The following CCDC102B variants were observed in gnomAD, a reference collection of about 807,000 sequenced individuals.
CCDC102B encodes the protein coiled-coil domain containing 102B.
A neutral mutation model predicts 57.4 loss-of-function variants in CCDC102B; 75 were observed. That is an observed-to-expected ratio of 1.31 (90% confidence interval 1.08 to 1.58). The LOEUF is 1.58. Among genes scored for constraint, CCDC102B ranks in the 40% most tolerant of loss-of-function variants. The pLI, the probability that CCDC102B is intolerant of heterozygous loss-of-function variation, is 0.00. For missense variants in CCDC102B, 636 were observed against 582.6 expected (o/e 1.09, Z -0.94); for synonymous variants, 206 against 201.9 (o/e 1.02, Z -0.17).
chr18:68,738,015 T>C (rs968954088), intron 2 of CCDC102B, among the ~76,000 whole-genome samples: 8 of 152,176 alleles, frequency 5.3e-5, no homozygotes, highest in African/African-American at 1.9e-4. Context: ...TTGAGGACCA[T>C]ATAATGACCA....
chr18:68,733,869 A>G (rs930197068), intron 2 of CCDC102B, among the ~76,000 whole-genome samples: 1 of 152,164 alleles, frequency 6.6e-6, no homozygotes, highest in Non-Finnish European at 1.5e-5. Context: ...ACTGATAAAA[A>G]TGGTGACATC....
chr18:68,993,622 A>G (rs1000038540), intron 6 of CCDC102B, among the ~76,000 whole-genome samples: 1 of 152,236 alleles, frequency 6.6e-6, no homozygotes, highest in South Asian at 2.1e-4. Context: ...TTTTGACACT[A>G]AAAATATTTT....
At chr18:68,994,584 C>A (rs905377602) in intron 6 of CCDC102B, among the ~76,000 whole-genome samples, 2 of 151,926 alleles carry the variant, frequency 1.3e-5, no homozygotes, top group Non-Finnish European at 2.9e-5. Flanking sequence ...GTGTTTTCGC[C>A]CTTGTGGTTC....
At chr18:68,732,539 G>T (rs1287638101) in intron 2 of CCDC102B, among the ~76,000 whole-genome samples, 1 of 151,890 alleles carries the variant, frequency 6.6e-6, no homozygotes, top group African/African-American at 2.4e-5. Flanking sequence ...TAGAGACGGG[G>T]TTTCACCATG....
At chr18:68,856,863 TG>T (rs1466134934) in intron 4 of CCDC102B, among the ~76,000 whole-genome samples, 1 of 150,438 alleles carries the variant, frequency 6.6e-6, no homozygotes, top group Non-Finnish European at 1.5e-5. Context: ...ACTTTATATG[TG>T]TTTTTTATAT....
chr18:68,881,324 T>C (rs997171640), intron 5 of CCDC102B, among the ~76,000 whole-genome samples: 2 of 152,226 alleles, frequency 1.3e-5, no homozygotes, highest in Non-Finnish European at 2.9e-5. Flanking sequence ...GAGCTAATGT[T>C]TATGAATACT....
intron 4 of CCDC102B, among the ~76,000 whole-genome samples, chr18:68,853,907 G>T (rs1016889430): frequency 1.3e-5 from 2 of 151,992 alleles, no homozygotes; most frequent in Admixed American, 1.3e-4. Flanking sequence ...TTCTGTCAAG[G>T]TCCTGTTAGA....
chr18:69,003,613 T>C (rs1218343081), intron 6 of CCDC102B, among the ~76,000 whole-genome samples: 1 of 152,162 alleles, frequency 6.6e-6, no homozygotes, highest in Non-Finnish European at 1.5e-5. Flanking sequence ...TGCTTCTGAT[T>C]TCATCTGATC....
intron 4 of CCDC102B, among the ~76,000 whole-genome samples, chr18:68,850,632 A>T (rs117602707): frequency 6.6e-6 from 1 of 152,036 alleles, no homozygotes; most frequent in Non-Finnish European, 1.5e-5. Flanking sequence ...TTGAGTGGAG[A>T]AGGTTTTCTC....
intron 6 of CCDC102B, among the ~76,000 whole-genome samples, chr18:68,942,286 C>T (rs2049399283): frequency 6.6e-6 from 1 of 151,970 alleles, no homozygotes; most frequent in Non-Finnish European, 1.5e-5. Flanking sequence ...GTGGCCTGCC[C>T]CTCCACACCT....
intron 6 of CCDC102B, among the ~76,000 whole-genome samples, chr18:68,934,231 G>A (rs2041772295): frequency 6.6e-6 from 1 of 151,874 alleles, no homozygotes; most frequent in Admixed American, 6.6e-5. Flanking sequence ...TCTACCTAAA[G>A]TAGTTGTCGG....
chr18:68,819,782 A>T (rs145317459), intron 1 of CCDC102B, among the ~76,000 whole-genome samples: 105 of 152,088 alleles, frequency 6.9e-4, no homozygotes, highest in Non-Finnish European at 1.1e-3. Flanking sequence ...ATAGGATGTA[A>T]GCTTACCTAT....
At chr18:68,928,740 T>G (rs1194959673) in intron 6 of CCDC102B, among the ~76,000 whole-genome samples, 2 of 151,820 alleles carry the variant, frequency 1.3e-5, no homozygotes, top group African/African-American at 4.8e-5. Context: ...TTACGTTAGG[T>G]AGTAGGGTAA....
intron 1 of CCDC102B, among the ~76,000 whole-genome samples, chr18:68,832,878 A>G (rs966473887): frequency 9.2e-5 from 14 of 152,030 alleles, no homozygotes; most frequent in African/African-American, 3.4e-4. Flanking sequence ...TAGCCGACAC[A>G]GGGGATGTGG....
At chr18:68,926,960 A>T (rs1481489301) in intron 6 of CCDC102B, among the ~76,000 whole-genome samples, 1 of 152,038 alleles carries the variant, frequency 6.6e-6, no homozygotes, top group African/African-American at 2.4e-5. Flanking sequence ...TTAGCTGATT[A>T]GATTTTTACA....
chr18:68,742,855 C>A (rs1486506583), intron 2 of CCDC102B, among the ~76,000 whole-genome samples: 1 of 152,108 alleles, frequency 6.6e-6, no homozygotes, highest in African/African-American at 2.4e-5. Flanking sequence ...TTAAAAGAGG[C>A]ACTGTAATTA....
chr18:68,870,899 G>A (rs963258064), intron 4 of CCDC102B, among the ~76,000 whole-genome samples: 14 of 152,028 alleles, frequency 9.2e-5, no homozygotes, highest in South Asian at 2.1e-4. Flanking sequence ...TTGCCTTTTT[G>A]TAATTATTTT....
intron 6 of CCDC102B, among the ~76,000 whole-genome samples, chr18:68,958,413 A>G (rs895765523): frequency 6.6e-6 from 1 of 152,164 alleles, no homozygotes; most frequent in Non-Finnish European, 1.5e-5. Flanking sequence ...TGATTTGCAT[A>G]TGTTTAACTA....
intron 2 of CCDC102B, among the ~76,000 whole-genome samples, chr18:68,735,159 C>T (rs933472362): frequency 5.3e-5 from 8 of 152,124 alleles, no homozygotes; most frequent in African/African-American, 1.7e-4. Context: ...TCAAGTGATT[C>T]TCCTGCCTCA....
Sources: gnomAD v4.1 joint callset for allele counts (sites outside exome capture counted in the v4.1 genomes callset) on GRCh38, gnomAD v4.1.1 for gene constraint, MANE v1.5 for transcripts, NCBI Gene and HGNC (gene_info 2026-07-23, HGNC 2026-07-21) for gene names.